Variants in CADM2 observed in about 807,000 individuals in gnomAD.
CADM2 encodes the protein immunoglobulin superfamily member 4D.
Under a neutral mutation model 49.8 loss-of-function variants are expected in CADM2, and 12 were observed. That is an observed-to-expected ratio of 0.24 (90% CI 0.15 to 0.39). CADM2 has a LOEUF of 0.39. Ranked by LOEUF, CADM2 falls within the 10% of genes least tolerant of loss-of-function variation. The pLI is 1.00. For missense variants in CADM2, 378 were observed against 492.3 expected (o/e 0.77, Z 2.20); for synonymous variants, 214 against 175.4 (o/e 1.22, Z -1.74).
At chr3:85,687,104 C>G in intron 1 of CADM2, among the ~76,000 whole-genome samples, 1 of 152,062 alleles carries the variant, frequency 6.6e-6, no homozygotes, top group East Asian at 1.9e-4. Context: ...ATTTTTATGT[C>G]AAATATCTAC....
chr3:84,969,915 T>G (rs2031293068), intron 1 of CADM2, among the ~76,000 whole-genome samples: 2 of 152,042 alleles, frequency 1.3e-5, no homozygotes, highest in East Asian at 1.9e-4. Flanking sequence ...TGATGATGAC[T>G]TTGGTTAAAC....
chr3:86,056,378 C>A (rs1737994055), intron 8 of CADM2, among the ~76,000 whole-genome samples: 1 of 152,138 alleles, frequency 6.6e-6, no homozygotes, highest in African/African-American at 2.4e-5. Context: ...CTACATTTTC[C>A]AAAAATAGAA....
At chr3:85,337,490 G>T (rs762225746) in intron 1 of CADM2, among the ~76,000 whole-genome samples, 10 of 151,296 alleles carry the variant, frequency 6.6e-5, no homozygotes, top group Non-Finnish European at 1.3e-4. Flanking sequence ...ATGGCCTACA[G>T]ACTGAAGGGC....
intron 2 of CADM2, among the ~76,000 whole-genome samples, chr3:85,784,212 T>G (rs2070830411): frequency 1.3e-5 from 2 of 152,214 alleles, no homozygotes; most frequent in Admixed American, 6.5e-5. Context: ...CTAATTCTAT[T>G]CAATGCCCTT....
intron 1 of CADM2, among the ~76,000 whole-genome samples, chr3:85,306,790 C>T (rs893446442): frequency 4.0e-5 from 6 of 151,690 alleles, no homozygotes; most frequent in African/African-American, 1.4e-4. Flanking sequence ...CATGCCTATA[C>T]TTTACACACA....
chr3:85,844,329 A>AT (rs568206932), intron 3 of CADM2, among the ~76,000 whole-genome samples: 89 of 152,118 alleles, frequency 5.9e-4, no homozygotes, highest in African/African-American at 2.0e-3. Flanking sequence ...TTGTTATAAT[A>AT]TTTTTTTATT....
intron 8 of CADM2, among the ~76,000 whole-genome samples, chr3:86,050,194 C>G (rs1439713149): frequency 3.3e-5 from 5 of 152,128 alleles, no homozygotes; most frequent in Non-Finnish European, 5.9e-5. Context: ...GCTACAGGCC[C>G]CAGGCAATTT....
intron 6 of CADM2, among the ~76,000 whole-genome samples, chr3:85,918,095 G>T (rs1167457624): frequency 6.6e-6 from 1 of 152,166 alleles, no homozygotes; most frequent in African/African-American, 2.4e-5. Flanking sequence ...CATGTCATCT[G>T]CAAACAGGGA....
chr3:85,572,308 A>G (rs1447705101), intron 1 of CADM2, among the ~76,000 whole-genome samples: 1 of 152,118 alleles, frequency 6.6e-6, no homozygotes, highest in African/African-American at 2.4e-5. Flanking sequence ...AAAAATAAAT[A>G]AACTTCATGT....
At chr3:85,007,599 A>G (rs1032798794) in intron 1 of CADM2, among the ~76,000 whole-genome samples, 2 of 152,202 alleles carry the variant, frequency 1.3e-5, no homozygotes, top group African/African-American at 4.8e-5. Context: ...AACAGAAGTC[A>G]CCATTTTAAA....
At chr3:85,348,265 A>G (rs1401777360) in intron 1 of CADM2, among the ~76,000 whole-genome samples, 1 of 152,158 alleles carries the variant, frequency 6.6e-6, no homozygotes, top group Non-Finnish European at 1.5e-5. Context: ...GGCCATGCTT[A>G]TGTTCTTTTA....
At chr3:85,350,622 T>C (rs988007256) in intron 1 of CADM2, among the ~76,000 whole-genome samples, 3 of 152,200 alleles carry the variant, frequency 2.0e-5, no homozygotes, top group African/African-American at 7.2e-5. Flanking sequence ...TGATCTTTCA[T>C]AGAGTTTCGG....
At chr3:85,936,379 A>C (rs1308465950) in intron 7 of CADM2, among the ~76,000 whole-genome samples, 1 of 151,882 alleles carries the variant, frequency 6.6e-6, no homozygotes, top group Non-Finnish European at 1.5e-5. Context: ...TATGCACGTC[A>C]ATGTGATAAT....
rs554613421 is a variant in CADM2, at chr3:85,721,996, T to A, written c.62-4526T>A. 6.6e-5 allele frequency among the ~76,000 whole-genome samples: 10 copies of A among 152,288 alleles called. 1 individual carries two copies. The East Asian group carries it at 1.9e-3, about 29-fold the overall frequency. ...CAGAGGAGGCCCTGGAGTGGGTAGT[T>A]CCTGTCTACGGGCAGGTTGTCACAT... On this transcript the variant is annotated intron_variant, in intron 1 of 9. Coordinates refer to ENST00000383699, the MANE Select transcript of CADM2 (RefSeq NM_001167675.2).
intron 1 of CADM2, among the ~76,000 whole-genome samples, chr3:85,109,790 T>C (rs1404344080): frequency 6.6e-6 from 1 of 152,028 alleles, no homozygotes; most frequent in African/African-American, 2.4e-5. Context: ...CGATACTTGA[T>C]ATATTGGTTC....
At chr3:85,646,720 G>A (rs1293738326) in intron 1 of CADM2, among the ~76,000 whole-genome samples, 4 of 151,966 alleles carry the variant, frequency 2.6e-5, no homozygotes, top group East Asian at 3.9e-4. Flanking sequence ...TTCTCAAATC[G>A]CAGCATAGAG....
chr3:85,753,536 G>A (rs1577230634), intron 2 of CADM2, among the ~76,000 whole-genome samples: 1 of 122,236 alleles, frequency 8.2e-6, no homozygotes, highest in African/African-American at 2.9e-5. Flanking sequence ...CACACACACT[G>A]TACACAACCT....
rs1219774189 is a variant in CADM2 at position 85,110,911 on chromosome 3, A to G, written c.61+151243A>G. On this transcript the variant is annotated intron_variant, in intron 1 of 9. Transcript: ENST00000383699. ...TGTTTTAAGCTCACAAAGAAAGCAA[A>G]TGAGATCATTTGACTTCCATTGATA... 3.9e-5 allele frequency among the ~76,000 whole-genome samples: 6 copies of G among 151,992 alleles called. No homozygotes were observed. In the East Asian group the frequency reaches 9.7e-4, roughly 24 times the overall value.
chr3:85,989,391 C>T (rs1728488475), intron 8 of CADM2, among the ~76,000 whole-genome samples: 1 of 152,148 alleles, frequency 6.6e-6, no homozygotes, highest in African/African-American at 2.4e-5. Flanking sequence ...AGCAAGGACA[C>T]AGCCAGTATC....
Sources: gnomAD v4.1 joint callset for allele counts (sites outside exome capture counted in the v4.1 genomes callset) on GRCh38, gnomAD v4.1.1 for gene constraint, MANE v1.5 for transcripts, NCBI Gene and HGNC (gene_info 2026-07-23, HGNC 2026-07-21) for gene names.